AGFG1: variants seen among roughly 807,000 people sequenced by gnomAD.
AGFG1 encodes the protein arf-GAP domain and FG repeat-containing protein 1.
A neutral mutation model predicts 60.6 loss-of-function variants in AGFG1; 10 were observed. That is an observed-to-expected ratio of 0.16 (90% CI 0.10 to 0.28). AGFG1 has a LOEUF of 0.28. Ranked by LOEUF, AGFG1 falls within the 10% of genes least tolerant of loss-of-function variation. AGFG1 has a pLI of 1.00. For missense variants in AGFG1, 537 were observed against 676.5 expected (o/e 0.79, Z 2.29); for synonymous variants, 247 against 242.9 (o/e 1.02, Z -0.16).
chr2:227,489,150 A>C (rs1690723130), intron 1 of AGFG1, among the ~76,000 whole-genome samples: 1 of 142,354 alleles, frequency 7.0e-6, no homozygotes, highest in Non-Finnish European at 1.5e-5. Flanking sequence ...TTAGAGCCTT[A>C]TTTTATGATT....
intron 2 of AGFG1, among the ~76,000 whole-genome samples, chr2:227,511,749 T>C (rs1282995851): frequency 6.6e-6 from 1 of 152,218 alleles, no homozygotes; most frequent in Admixed American, 6.5e-5. Flanking sequence ...GTACCAAGCA[T>C]ACAAATAGTG....
Position 227,534,517 on chromosome 2 carries a change from T to C in AGFG1, c.1025-328T>C, listed in dbSNP as rs1263146346. ...CATTAGGTCTAGCATTATATGAATT[T>C]ATATGTTCATGTGAACAAGATCCAC... On this transcript the variant is annotated intron_variant, in intron 7 of 12. Transcript: ENST00000310078. 2.6e-5 allele frequency among the ~76,000 whole-genome samples: 4 copies of C among 152,344 alleles called. No individual in the cohort carries two copies. In the East Asian group the frequency reaches 5.8e-4, roughly 22 times the overall value.
In AGFG1 at chr2:227,560,266, A is replaced by G. The variant is rs916997490; in HGVS notation, c.*5771A>G. The stretch of plus-strand genomic sequence containing the variant: ...AGACTTTTCTACTAAAAATATTGTT[A>G]TAATGATAATATCCTTATGCATATA... On this transcript the variant is annotated 3_prime_UTR_variant, in exon 13 of 13. Transcript: ENST00000310078. The G allele has an allele frequency of 6.6e-6, 1 of 152,164 alleles. No homozygotes were observed. The highest frequency in any genetic ancestry group is 1.5e-5 in the Non-Finnish European group (1 of 67,990). The allele number at this position is 152,164 out of a possible 1,614,324, so 9.4% of individuals were successfully genotyped here. A position where few individuals can be genotyped will look rare whatever the true frequency, so the allele number is the denominator to read the frequency against.
In AGFG1 at chr2:227,545,691, T is replaced by C. The variant is rs536714593; in HGVS notation, c.1379-6268T>C. On this transcript the variant is annotated intron_variant, in intron 10 of 12. Coordinates refer to ENST00000310078, the MANE Select transcript of AGFG1 (RefSeq NM_004504.5). ...TGATGTTGATGCTACTCCTTTCTTT[T>C]TGTTACTTTTCCTTCAAACAGTCAG... Among the ~76,000 whole-genome samples the C allele has an allele frequency of 4.6e-5, 7 of 152,350 alleles. No individual in the cohort carries two copies. The East Asian group carries it at 1.3e-3, about 29-fold the overall frequency.
At chr2:227,515,537 T>G (rs1479664792) in intron 2 of AGFG1, among the ~76,000 whole-genome samples, 1 of 152,166 alleles carries the variant, frequency 6.6e-6, no homozygotes, top group African/African-American at 2.4e-5. Context: ...CCTCCTGATG[T>G]CTTTATTTTT....
At chr2:227,492,391 A>ATTT (rs1690847228) in intron 2 of AGFG1, among the ~76,000 whole-genome samples, 1 of 152,060 alleles carries the variant, frequency 6.6e-6, no homozygotes, top group Non-Finnish European at 1.5e-5. Flanking sequence ...ATTTGACAGA[A>ATTT]AAGTCTCCTT....
At chr2:227,551,782 C>G (rs7598597) in intron 10 of AGFG1, among the ~76,000 whole-genome samples, 177 bp from the exon 11 acceptor site, 1 of 152,004 alleles carries the variant, frequency 6.6e-6, no homozygotes, top group East Asian at 1.9e-4. Flanking sequence ...CTACAAGTTA[C>G]GTTAAACTGT....
At position 227,558,776 on chromosome 2, in the gene AGFG1, A is replaced by G. The variant is rs1162096814; in HGVS notation, c.*4281A>G. The G allele has an allele frequency of 1.3e-5, 2 of 152,150 alleles. No homozygotes were observed. Among genetic ancestry groups the G allele is most frequent in the Admixed American group, 6.5e-5 (1 of 15,276 alleles). The allele number at this position is 152,150 out of a possible 1,614,324, so 9.4% of individuals were successfully genotyped here. ...TGTTTTGTAGCATTTACTAATATTT[A>G]TGGTATAAATACTGTCTTCATGGTG... On this transcript the variant is annotated 3_prime_UTR_variant, in exon 13 of 13. Transcript: ENST00000310078.
rs1359139033 is a variant in AGFG1, at chr2:227,519,994, C to T, written c.308C>T (p.Ala103Val). 3.8e-6 allele frequency: 6 copies of T among 1,585,278 alleles called. No individual in the cohort carries two copies. The highest frequency in any genetic ancestry group is 1.9e-5 in the Admixed American group (1 of 52,148). The change falls in exon 3 of 13, where the codon GCA (alanine) becomes GTA (valine). Residue 103 changes from alanine to valine, a missense_variant. This residue lies in a region of AGFG1 where 120 missense variants were observed against 198.5 expected (regional missense o/e 0.60). Coordinates refer to ENST00000310078, the MANE Select transcript of AGFG1 (RefSeq NM_004504.5). ...WLGLFDDRSS[A>V]IPDFRDPQKV... ...GGATTATTTGATGATAGATCTTCAG[C>T]AATTCCAGACTTCAGGGATCCACAA...
At chr2:227,501,727 G>A (rs1691163192) in intron 2 of AGFG1, among the ~76,000 whole-genome samples, 1 of 152,078 alleles carries the variant, frequency 6.6e-6, no homozygotes, top group African/African-American at 2.4e-5. Context: ...GGGACCATAG[G>A]CATACACCAC....
chr2:227,513,751 G>T (rs1248134211), intron 2 of AGFG1, among the ~76,000 whole-genome samples: 1 of 152,172 alleles, frequency 6.6e-6, no homozygotes, highest in Non-Finnish European at 1.5e-5. Context: ...TTCTGTCAGT[G>T]TCTGTTATGA....
intron 3 of AGFG1, among the ~76,000 whole-genome samples, 194 bp downstream of exon 3, chr2:227,520,257 TC>T (rs1300089943): frequency 6.6e-6 from 1 of 152,168 alleles, no homozygotes; most frequent in Non-Finnish European, 1.5e-5. Flanking sequence ...ACTCATCTGT[TC>T]CTGGCAGCAG....
chr2:227,478,685 T>TA (rs1360146582), intron 1 of AGFG1, among the ~76,000 whole-genome samples: 1 of 152,200 alleles, frequency 6.6e-6, no homozygotes, highest in Non-Finnish European at 1.5e-5. Context: ...TGCTGGCACA[T>TA]AAGGCTTTGA....
At chr2:227,551,670 T>G (rs1486229347) in intron 10 of AGFG1, among the ~76,000 whole-genome samples, 1 of 152,182 alleles carries the variant, frequency 6.6e-6, no homozygotes, top group East Asian at 1.9e-4. Flanking sequence ...AGACTACTGT[T>G]TAGACTTGAA....
chr2:227,491,537 T>C lies in AGFG1; in HGVS notation c.168-10T>C. ...TACTAGTAAATTTTGTAAAATATTT[T>C]ATCTTTTAGGCGAGGATTAAATCCA... On this transcript the variant is annotated splice_polypyrimidine_tract_variant and intron_variant, in intron 1 of 12. Transcript: ENST00000310078. 1 of 1,512,076 alleles carries C rather than the reference T, an allele frequency of 6.6e-7. No homozygotes were observed. The highest frequency in any genetic ancestry group is 8.9e-7 in the Non-Finnish European group (1 of 1,129,700). 93.7% of individuals were successfully genotyped at this position (1,512,076 alleles called of 1,614,324 possible).
At chr2:227,492,315 A>AT (rs891644623) in intron 2 of AGFG1, among the ~76,000 whole-genome samples, 6 of 151,944 alleles carry the variant, frequency 3.9e-5, no homozygotes, top group Admixed American at 6.6e-5. Flanking sequence ...GAGAGTGGGC[A>AT]TTTTTTTATA....
chr2:227,516,867 T>G (rs1339447927), intron 2 of AGFG1, among the ~76,000 whole-genome samples: 1 of 152,216 alleles, frequency 6.6e-6, no homozygotes, highest in East Asian at 1.9e-4. Flanking sequence ...TTTGGGTAAA[T>G]AACTACCCTG....
chr2:227,502,926 G>A (rs1399406072), intron 2 of AGFG1, among the ~76,000 whole-genome samples: 2 of 152,026 alleles, frequency 1.3e-5, no homozygotes, highest in Admixed American at 1.3e-4. Context: ...TTGCTTTGGA[G>A]TCTTTGTCAA....
intron 7 of AGFG1, 47 bp downstream of exon 7, chr2:227,533,805 C>A: frequency 1.3e-6 from 2 of 1,520,462 alleles, no homozygotes; most frequent in Non-Finnish European, 1.8e-6. Flanking sequence ...TTAAACAGTG[C>A]TCTTAATTTG....
Sources: gnomAD v4.1 joint callset for allele counts (sites outside exome capture counted in the v4.1 genomes callset) on GRCh38, gnomAD v4.1.1 for gene constraint, gnomAD v4.1.1 regional missense constraint, MANE v1.5 for transcripts, NCBI Gene and HGNC (gene_info 2026-07-23, HGNC 2026-07-21) for gene names.